Variants in YPEL2 observed in about 807,000 individuals in gnomAD.
YPEL2 encodes protein yippee-like 2.
In YPEL2, 2 loss-of-function variants were observed where a neutral mutation model predicts 19.1. That is an observed-to-expected ratio of 0.10 (90% CI 0.04 to 0.33). The LOEUF (loss-of-function observed/expected upper bound fraction) is 0.33. YPEL2 is among the 10% of genes least tolerant of loss of function. The pLI is 1.00. For missense variants in YPEL2, 66 were observed against 140.7 expected, an observed-to-expected ratio of 0.47 and a Z score of 2.68; for synonymous variants, 52 against 50.0, an observed-to-expected ratio of 1.04 and a Z score of -0.17.
chr17:59,353,604 G>C lies in YPEL2; in HGVS notation c.117+78G>C. 1 of 1,076,346 alleles carries C rather than the reference G, an allele frequency of 9.3e-7. No individual in the cohort carries two copies. The highest frequency in any genetic ancestry group is 1.4e-6 in the Non-Finnish European group (1 of 693,364). 66.7% of individuals were successfully genotyped at this position (1,076,346 alleles called of 1,614,324 possible). A position where few individuals can be genotyped will look rare whatever the true frequency, so the allele number is the denominator to read the frequency against. On this transcript the variant is annotated intron_variant, in intron 2 of 4. Transcript: ENST00000312655. This position sits in a 1 kb window ranked among gnomAD's most constrained non-coding sequence, Gnocchi z 4.8. ...CTCCTGAAGTTGCAGAGGTTTACAA[G>C]CTCTCAAGAATATTTGTACTCCATC...
chr17:59,382,038 A>G (rs1484039854), intron 2 of YPEL2, among the ~76,000 whole-genome samples: 6 of 152,204 alleles, frequency 3.9e-5, no homozygotes, highest in Non-Finnish European at 8.8e-5. Flanking sequence ...TATCTGCAAG[A>G]TGCCTGTTGT....
intron 2 of YPEL2, among the ~76,000 whole-genome samples, chr17:59,379,455 A>G (rs947259665): frequency 1.3e-5 from 2 of 152,166 alleles, no homozygotes. Flanking sequence ...TCCAAGGGCA[A>G]AGGTTTTACT....
chr17:59,348,528 T>C (rs1490549807), intron 1 of YPEL2, among the ~76,000 whole-genome samples: 1 of 152,246 alleles, frequency 6.6e-6, no homozygotes, highest in African/African-American at 2.4e-5. Context: ...ATGTGCTCCC[T>C]GTGCATTTGT....
At chr17:59,384,328 AAAAC>A (rs1377913195) in intron 2 of YPEL2, among the ~76,000 whole-genome samples, 2 of 152,376 alleles carry the variant, frequency 1.3e-5, no homozygotes, top group Admixed American at 6.5e-5. Flanking sequence ...AATATTGACA[AAAAC>A]AAGTTGTCTC....
chr17:59,398,943 G>A lies in YPEL2; in HGVS notation c.*1753G>A, dbSNP rs2048055599. 1 of 152,120 alleles carries A rather than the reference G, an allele frequency of 6.6e-6. No homozygotes were observed. Among genetic ancestry groups the A allele is most frequent in the African/African-American group, 2.4e-5 (1 of 41,424 alleles). 9.4% of individuals were successfully genotyped at this position (152,120 alleles called of 1,614,324 possible). ...GTCCTTGGTGGAAATGCTTTTTTGTGTGTCTCCACGCGCTGATGGTGGAAT... is the reference window on the plus strand; with the variant it reads ...GTCCTTGGTGGAAATGCTTTTTTGTATGTCTCCACGCGCTGATGGTGGAAT... On this transcript the variant is annotated 3_prime_UTR_variant, in exon 5 of 5. Transcript: ENST00000312655.
chr17:59,380,964 G>C (rs1014351391), intron 2 of YPEL2, among the ~76,000 whole-genome samples: 1 of 152,224 alleles, frequency 6.6e-6, no homozygotes, highest in African/African-American at 2.4e-5. Context: ...GAGGTTTGAA[G>C]AACCAAGTAG....
intron 2 of YPEL2, among the ~76,000 whole-genome samples, chr17:59,375,312 T>G (rs2047915235): frequency 1.3e-5 from 2 of 152,210 alleles, no homozygotes; most frequent in African/African-American, 4.8e-5. Context: ...CTGCATGAGA[T>G]TCCAGTGGCC....
At chr17:59,372,899 A>G (rs1231790587) in intron 2 of YPEL2, among the ~76,000 whole-genome samples, 1 of 152,164 alleles carries the variant, frequency 6.6e-6, no homozygotes, top group East Asian at 1.9e-4. Context: ...TAATTTTTTG[A>G]CATGGGCTCT....
intron 2 of YPEL2, among the ~76,000 whole-genome samples, chr17:59,373,871 T>A (rs374466864): frequency 6.6e-6 from 1 of 152,344 alleles, no homozygotes; most frequent in South Asian, 2.1e-4. Flanking sequence ...TATGTTTCTA[T>A]GTCTAAGGAT....
intron 1 of YPEL2, among the ~76,000 whole-genome samples, chr17:59,349,378 T>G (rs1399516378): frequency 7.4e-6 from 1 of 135,174 alleles, no homozygotes; most frequent in Admixed American, 7.0e-5. Flanking sequence ...TTTTTTTTTT[T>G]GTTGAGACGG....
At chr17:59,358,532 C>A (rs1197131830) in intron 2 of YPEL2, among the ~76,000 whole-genome samples, 2 of 151,848 alleles carry the variant, frequency 1.3e-5, no homozygotes, top group Non-Finnish European at 1.5e-5. Flanking sequence ...CCATCCTGTC[C>A]ACTCTACCTG....
chr17:59,398,258 A>C lies in YPEL2; in HGVS notation c.*1068A>C, dbSNP rs117271053. 6.6e-6 allele frequency: 1 copy of C among 152,276 alleles called. No individual in the cohort carries two copies. The highest frequency in any genetic ancestry group is 2.1e-4 in the South Asian group (1 of 4,828). The allele number at this position is 152,276 out of a possible 1,614,324, so 9.4% of individuals were successfully genotyped here. On this transcript the variant is annotated 3_prime_UTR_variant, in exon 5 of 5. Transcript: ENST00000312655. ...ATTGGAACCAGTTCAGGTTCGGTGC[A>C]TCTTTCCTCTTCGGTTTTACAGTGG... is the stretch of plus-strand genomic sequence containing the variant.
chr17:59,349,604 A>T (rs2047777196), intron 1 of YPEL2, among the ~76,000 whole-genome samples: 1 of 151,144 alleles, frequency 6.6e-6, no homozygotes, highest in South Asian at 2.1e-4. Flanking sequence ...TGGCCTCCCA[A>T]AGTGTCTGGA....
chr17:59,395,896 G>A (rs1330156186), intron 4 of YPEL2, among the ~76,000 whole-genome samples: 2 of 152,134 alleles, frequency 1.3e-5, no homozygotes, highest in East Asian at 3.9e-4. Flanking sequence ...GGCTAACATG[G>A]TGAAACCCCG....
intron 2 of YPEL2, among the ~76,000 whole-genome samples, chr17:59,370,628 C>G (rs2047892238): frequency 6.6e-6 from 1 of 152,152 alleles, no homozygotes; most frequent in Admixed American, 6.5e-5. Flanking sequence ...TTTGAAATCT[C>G]CAGGTAACCC....
At chr17:59,394,155 C>A (rs2048024253) in intron 4 of YPEL2, among the ~76,000 whole-genome samples, 1 of 151,338 alleles carries the variant, frequency 6.6e-6, no homozygotes, top group Non-Finnish European at 1.5e-5. Flanking sequence ...GACCCCCCGA[C>A]CTCCCTCCCG....
At position 59,364,275 on chromosome 17, in the gene YPEL2, C is replaced by G. The variant is rs185315451; in HGVS notation, c.117+10749C>G. Among the ~76,000 whole-genome samples the G allele has an allele frequency of 1.8e-3, 279 of 152,250 alleles. 4 individuals carry two copies. Among genetic ancestry groups the G allele is most frequent in the African/African-American group, 6.4e-3 (264 of 41,536 alleles). On this transcript the variant is annotated intron_variant, in intron 2 of 4. Coordinates refer to ENST00000312655, the MANE Select transcript of YPEL2 (RefSeq NM_001005404.4). The stretch of plus-strand genomic sequence containing the variant: ...AAACTGAGGGCCTCTTGATTTTGCA[C>G]TTTGCCACCTCCCCCGACACACCAC...
chr17:59,349,935 G>C (rs12450113), intron 1 of YPEL2, among the ~76,000 whole-genome samples: 1 of 151,960 alleles, frequency 6.6e-6, no homozygotes, highest in South Asian at 2.1e-4. Context: ...CTGGGATTAC[G>C]GGCATGAGCC....
chr17:59,377,269 T>A (rs1341174526), intron 2 of YPEL2, among the ~76,000 whole-genome samples: 1 of 152,230 alleles, frequency 6.6e-6, no homozygotes, highest in African/African-American at 2.4e-5. Flanking sequence ...TTATCCTTTT[T>A]AACTCTAACA....
Sources: gnomAD v4.1 joint callset for allele counts (sites outside exome capture counted in the v4.1 genomes callset) on GRCh38, gnomAD v4.1.1 for gene constraint, Gnocchi (gnomAD v3.1) non-coding constraint, MANE v1.5 for transcripts, NCBI Gene and HGNC (gene_info 2026-07-23, HGNC 2026-07-21) for gene names.